Variants in PARVA observed in about 807,000 individuals in gnomAD.
The protein encoded by PARVA is parvin alpha, also known as alpha-parvin.
Under a neutral mutation model 52.6 loss-of-function variants are expected in PARVA, and 25 were observed. That is an observed-to-expected ratio of 0.48 (90% CI 0.35 to 0.66). The LOEUF is 0.66. Among genes scored for constraint, PARVA ranks in the 30% least tolerant of loss-of-function variants. The pLI, the probability that PARVA is intolerant of heterozygous loss-of-function variation, is 0.01. For missense variants in PARVA, 373 were observed against 450.9 expected, an observed-to-expected ratio of 0.83 and a Z score of 1.56; for synonymous variants, 185 against 179.1, an observed-to-expected ratio of 1.03 and a Z score of -0.26.
rs536788000 is a variant in PARVA, at chr11:12,476,468, G to T, written c.298-1379G>T. On this transcript the variant is annotated intron_variant, in intron 3 of 12. Transcript: ENST00000334956. Reference sequence around the variant, plus strand: ...GTGAATAGCCACTGCATTCCAGCCTGGGCAACATAGCAAGACCCTGCCTCA... The same window carrying T: ...GTGAATAGCCACTGCATTCCAGCCTTGGCAACATAGCAAGACCCTGCCTCA... Among the ~76,000 whole-genome samples, 7 of 151,940 alleles carry T rather than the reference G, an allele frequency of 4.6e-5. No individual in the cohort carries two copies. The South Asian group carries it at 1.5e-3, about 32-fold the overall frequency.
chr11:12,491,195 C>A (rs1008661686), intron 4 of PARVA, among the ~76,000 whole-genome samples: 4 of 152,166 alleles, frequency 2.6e-5, no homozygotes, highest in Admixed American at 2.6e-4. Flanking sequence ...CAGGGTCTTG[C>A]TCTGTTACCC....
At chr11:12,376,959 A>C (rs1473241117), upstream of PARVA, among the ~76,000 whole-genome samples, 2 of 152,154 alleles carry the variant, frequency 1.3e-5, no homozygotes, top group African/African-American at 4.8e-5. Context: ...AGCTGCTGGA[A>C]ACACGGATGT....
chr11:12,498,386 T>G (rs908896165), intron 5 of PARVA, among the ~76,000 whole-genome samples: 2 of 152,186 alleles, frequency 1.3e-5, no homozygotes, highest in Admixed American at 1.3e-4. Context: ...CCAGTGGCTT[T>G]GAATGATTTG....
In PARVA at chr11:12,377,573, TC is replaced by T; in HGVS notation, c.-72del. 1 of 1,497,254 alleles carries T rather than the reference TC, an allele frequency of 6.7e-7. No individual in the cohort carries two copies. The highest frequency in any genetic ancestry group is 8.9e-7 in the Non-Finnish European group (1 of 1,123,286). 92.7% of individuals were successfully genotyped at this position (1,497,254 alleles called of 1,614,324 possible). The stretch of plus-strand genomic sequence containing the variant: ...TCCGTTTGGAAAGCCGCAGCCTCAG[TC>T]CCGCCGCCGCCCGCTGCGTCCGCCC... On this transcript the variant is annotated 5_prime_UTR_variant, in exon 1 of 13. Coordinates refer to ENST00000334956, the MANE Select transcript of PARVA (RefSeq NM_018222.5).
intron 1 of PARVA, chr11:12,452,834 G>A (rs986785022): frequency 1.4e-5 from 4 of 285,802 alleles, no homozygotes; most frequent in South Asian, 3.2e-5. Flanking sequence ...TGCAACTGAC[G>A]CACTGAGCTG....
At chr11:12,406,840 G>C (rs1939919439) in intron 1 of PARVA, among the ~76,000 whole-genome samples, 1 of 151,488 alleles carries the variant, frequency 6.6e-6, no homozygotes, top group Non-Finnish European at 1.5e-5. Context: ...CCGGCTAATT[G>C]TTTGTGTTTT....
At chr11:12,411,647 A>T (rs902292168) in intron 1 of PARVA, among the ~76,000 whole-genome samples, 1 of 152,120 alleles carries the variant, frequency 6.6e-6, no homozygotes, top group Non-Finnish European at 1.5e-5. Flanking sequence ...CCTCTACTAG[A>T]ATTTATCTGA....
At chr11:12,436,485 G>C (rs908623974) in intron 1 of PARVA, among the ~76,000 whole-genome samples, 3 of 152,192 alleles carry the variant, frequency 2.0e-5, no homozygotes, top group Non-Finnish European at 2.9e-5. Context: ...GGCCAGAGCA[G>C]AGGGACATGT....
intron 5 of PARVA, among the ~76,000 whole-genome samples, chr11:12,502,020 G>GAA (rs1941369079): frequency 6.6e-6 from 1 of 152,184 alleles, no homozygotes; most frequent in Non-Finnish European, 1.5e-5. Flanking sequence ...AGCAAACCTG[G>GAA]ATTTGCCTCT....
At chr11:12,476,143 C>A (rs1315330402) in intron 3 of PARVA, among the ~76,000 whole-genome samples, 2 of 152,132 alleles carry the variant, frequency 1.3e-5, no homozygotes, top group African/African-American at 4.8e-5. Flanking sequence ...ATGTTGATCT[C>A]CCAGACCTAG....
At chr11:12,496,370 G>T in intron 4 of PARVA, 88 bp from the exon 5 acceptor site, 1 of 1,384,458 alleles carries the variant, frequency 7.2e-7, no homozygotes, top group Non-Finnish European at 9.8e-7. Context: ...ATGAGTGCAT[G>T]AGAGACCGAA....
chr11:12,503,191 A>T (rs1250330626), intron 5 of PARVA, among the ~76,000 whole-genome samples: 2 of 152,114 alleles, frequency 1.3e-5, no homozygotes, highest in Non-Finnish European at 2.9e-5. Flanking sequence ...CCATAGTGAC[A>T]CTCAAGCCAA....
Position 12,529,415 on chromosome 11 carries a change from A to T in PARVA, c.*1490A>T, listed in dbSNP as rs556902223. 1 of 152,178 alleles carries T rather than the reference A, an allele frequency of 6.6e-6. No individual in the cohort carries two copies. The highest frequency in any genetic ancestry group is 1.5e-5 in the Non-Finnish European group (1 of 68,034). 9.4% of individuals were successfully genotyped at this position (152,178 alleles called of 1,614,324 possible). A position where few individuals can be genotyped will look rare whatever the true frequency, so the allele number is the denominator to read the frequency against. On this transcript the variant is annotated 3_prime_UTR_variant, in exon 13 of 13. Transcript: ENST00000334956. ...CAGAGATAGAGGTGGGGCTTGTGGT[A>T]CTTAACACTTGTAGCCATCAACTGA... is the stretch of plus-strand genomic sequence containing the variant.
At position 12,498,918 on chromosome 11, in the gene PARVA, C is replaced by T. The variant is rs566274815; in HGVS notation, c.541+2320C>T. On this transcript the variant is annotated intron_variant, in intron 5 of 12. Transcript: ENST00000334956. ...TTTTGTTATTTTTCGCTTGATCTTACATCACACGTATTTTCTACATTCCCT... is the reference window on the plus strand; with the variant it reads ...TTTTGTTATTTTTCGCTTGATCTTATATCACACGTATTTTCTACATTCCCT... Among the ~76,000 whole-genome samples, 9 of 152,330 alleles carry T rather than the reference C, an allele frequency of 5.9e-5. No homozygotes were observed. In the South Asian group the frequency reaches 6.2e-4, roughly 11 times the overall value.
chr11:12,424,461 A>T (rs535449546), intron 1 of PARVA, among the ~76,000 whole-genome samples: 7 of 152,364 alleles, frequency 4.6e-5, no homozygotes, highest in South Asian at 4.1e-4. Flanking sequence ...CCATCATTAC[A>T]GTAGCTAATA....
chr11:12,493,302 G>A (rs938015450), intron 4 of PARVA, among the ~76,000 whole-genome samples: 1 of 150,038 alleles, frequency 6.7e-6, no homozygotes, highest in Non-Finnish European at 1.5e-5. Context: ...GTTGCAGTAA[G>A]CTGAGATTGT....
intron 1 of PARVA, among the ~76,000 whole-genome samples, chr11:12,416,041 T>A (rs1192362656): frequency 6.6e-6 from 1 of 152,210 alleles, no homozygotes; most frequent in Non-Finnish European, 1.5e-5. Context: ...CCTTTCAACA[T>A]CATAATGCTG....
At chr11:12,475,747 T>C (rs974870823) in intron 3 of PARVA, among the ~76,000 whole-genome samples, 6 of 124,128 alleles carry the variant, frequency 4.8e-5, no homozygotes, top group Non-Finnish European at 8.9e-5. Context: ...GGAGGCAGCC[T>C]TGGCTAGGCC....
chr11:12,458,692 G>A (rs770946412), intron 1 of PARVA, among the ~76,000 whole-genome samples: 6 of 152,182 alleles, frequency 3.9e-5, no homozygotes, highest in Admixed American at 3.9e-4. Flanking sequence ...TACCCCCTCT[G>A]TGGCAGCCCA....
Sources: gnomAD v4.1 joint callset for allele counts (sites outside exome capture counted in the v4.1 genomes callset) on GRCh38, gnomAD v4.1.1 for gene constraint, MANE v1.5 for transcripts, NCBI Gene and HGNC (gene_info 2026-07-23, HGNC 2026-07-21) for gene names.